SLC31A1: variants seen among roughly 807,000 people sequenced by gnomAD.
SLC31A1 encodes the protein high affinity copper uptake protein 1.
Under a neutral mutation model 17.2 loss-of-function variants are expected in SLC31A1, and 5 were observed. The ratio of observed to expected loss-of-function variants is 0.29; its 90% CI spans 0.15 to 0.61. SLC31A1 has a LOEUF of 0.61. Among genes scored for constraint, SLC31A1 ranks in the 20% least tolerant of loss-of-function variants. The pLI is 0.86. For synonymous variants in SLC31A1, 76 were observed against 78.8 expected (o/e 0.96, Z 0.19); for missense variants, 161 against 241.4 (o/e 0.67, Z 2.21).
intron 1 of SLC31A1, among the ~76,000 whole-genome samples, chr9:113,252,550 A>G (rs931107233): frequency 6.6e-6 from 1 of 152,152 alleles, no homozygotes. Context: ...TGGCCTCCCA[A>G]AGTGCTGGGA....
chr9:113,235,557 A>G (rs1317723728), intron 1 of SLC31A1, among the ~76,000 whole-genome samples: 1 of 152,242 alleles, frequency 6.6e-6, no homozygotes, highest in East Asian at 1.9e-4. Context: ...ACACAATAGT[A>G]CATTCTTTCT....
intron 1 of SLC31A1, among the ~76,000 whole-genome samples, chr9:113,250,032 G>A (rs1453235591): frequency 1.3e-5 from 2 of 151,770 alleles, no homozygotes; most frequent in African/African-American, 4.8e-5. Context: ...GAAATAACAG[G>A]TGCTGGAGAG....
At chr9:113,242,201 C>T (rs904643821) in intron 1 of SLC31A1, among the ~76,000 whole-genome samples, 6 of 151,812 alleles carry the variant, frequency 4.0e-5, no homozygotes, top group Admixed American at 3.3e-4. Flanking sequence ...AAAAAAAAAA[C>T]TAGACGTTGG....
At chr9:113,235,242 C>G (rs113233058) in intron 1 of SLC31A1, among the ~76,000 whole-genome samples, 1,697 of 152,234 alleles carry the variant, frequency 0.011, 34 homozygotes, top group African/African-American at 0.038. Context: ...GTTTCCACTT[C>G]AATAGTCATT....
Position 113,257,646 on chromosome 9 carries a change from C to G in SLC31A1, c.202+461C>G, listed in dbSNP as rs997550582. On this transcript the variant is annotated intron_variant, in intron 3 of 4. Transcript: ENST00000374212. ...AGTTAAACAGGCACCTACCGCCATG[C>G]CTGGCTAATTTTTGTATTTTTAATA... is the stretch of plus-strand genomic sequence containing the variant. 9.2e-5 allele frequency among the ~76,000 whole-genome samples: 14 copies of G among 151,934 alleles called. No individual in the cohort carries two copies. The East Asian group carries it at 2.7e-3, about 29-fold the overall frequency.
Position 113,221,674 on chromosome 9 carries a change from GAAA to G in SLC31A1, c.-39_-37del. The G allele has an allele frequency of 3.2e-6, 1 of 313,554 alleles. No homozygotes were observed. The highest frequency in any genetic ancestry group is 2.7e-5 in the South Asian group (1 of 37,262). 19.4% of individuals were successfully genotyped at this position (313,554 alleles called of 1,614,324 possible). A position where few individuals can be genotyped will look rare whatever the true frequency, so the allele number is the denominator to read the frequency against. On this transcript the variant is annotated splice_region_variant and 5_prime_UTR_variant, in exon 1 of 5. Coordinates refer to ENST00000374212, the MANE Select transcript of SLC31A1 (RefSeq NM_001859.4). ...GGTGCTAGTGGCTGGACTTGACCTG[GAAA>G]GGTAAGGCTTCTCTCGGCCCCTCTT...
rs1228978046 is a variant in SLC31A1, at chr9:113,263,027, T to C, written c.*2554T>C. On this transcript the variant is annotated 3_prime_UTR_variant, in exon 5 of 5. Coordinates refer to ENST00000374212, the MANE Select transcript of SLC31A1 (RefSeq NM_001859.4). The stretch of plus-strand genomic sequence containing the variant: ...ATCAAAAATTAGCCAGGCATGGTGG[T>C]GCATACCTATAGTCCTGGCTATTTG... 1 of 152,244 alleles carries C rather than the reference T, an allele frequency of 6.6e-6. No homozygotes were observed. Among genetic ancestry groups the C allele is most frequent in the East Asian group, 1.9e-4 (1 of 5,196 alleles). 9.4% of individuals were successfully genotyped at this position (152,244 alleles called of 1,614,324 possible). A position where few individuals can be genotyped will look rare whatever the true frequency, so the allele number is the denominator to read the frequency against.
intron 1 of SLC31A1, among the ~76,000 whole-genome samples, chr9:113,223,659 A>AT (rs1324693223): frequency 6.6e-6 from 1 of 151,988 alleles, no homozygotes; most frequent in Non-Finnish European, 1.5e-5. Context: ...GGAAGCAGCA[A>AT]TTTTTTTTCT....
intron 1 of SLC31A1, among the ~76,000 whole-genome samples, chr9:113,244,950 C>T (rs917168285): frequency 6.6e-5 from 10 of 152,100 alleles, no homozygotes; most frequent in African/African-American, 2.4e-4. Flanking sequence ...TTGACCTGAC[C>T]TATTTTCTTA....
chr9:113,247,406 T>C (rs1202041817), intron 1 of SLC31A1, among the ~76,000 whole-genome samples: 2 of 152,216 alleles, frequency 1.3e-5, no homozygotes, highest in African/African-American at 4.8e-5. Context: ...TACTTCTGTG[T>C]AGTCTTTTTG....
chr9:113,236,433 G>A (rs764575570), intron 1 of SLC31A1, among the ~76,000 whole-genome samples: 6 of 151,850 alleles, frequency 4.0e-5, no homozygotes, highest in Admixed American at 1.3e-4. Flanking sequence ...GTGCGATCTC[G>A]GCTCACTGCA....
intron 1 of SLC31A1, among the ~76,000 whole-genome samples, chr9:113,249,220 C>G (rs897548900): frequency 6.7e-6 from 1 of 149,522 alleles, no homozygotes; most frequent in Non-Finnish European, 1.5e-5. Flanking sequence ...AAAGGTGATT[C>G]TCCAGTATTG....
chr9:113,260,579 GTACA>G lies in SLC31A1; in HGVS notation c.*107_*110del. On this transcript the variant is annotated 3_prime_UTR_variant, in exon 5 of 5. Transcript: ENST00000374212. Reference sequence around the variant, plus strand: ...TCCCTTCTTGCTCCTCTTTGTGCACGTACACACACACACACACACACACACACAC... The same window carrying G: ...TCCCTTCTTGCTCCTCTTTGTGCACGCACACACACACACACACACACACAC... 1.7e-6 allele frequency: 1 copy of G among 590,100 alleles called. No homozygotes were observed. The highest frequency in any genetic ancestry group is 2.5e-5 in the Admixed American group (1 of 39,354). 36.6% of individuals were successfully genotyped at this position (590,100 alleles called of 1,614,324 possible).
At chr9:113,230,405 G>A (rs1413048178) in intron 1 of SLC31A1, among the ~76,000 whole-genome samples, 1 of 152,106 alleles carries the variant, frequency 6.6e-6, no homozygotes, top group Non-Finnish European at 1.5e-5. Flanking sequence ...CTACAGGCAT[G>A]CATCTCCACG....
At position 113,263,625 on chromosome 9, in the gene SLC31A1, T is replaced by C. The variant is rs1831818022; in HGVS notation, c.*3152T>C. 1 of 152,672 alleles carries C rather than the reference T, an allele frequency of 6.5e-6. No homozygotes were observed. The highest frequency in any genetic ancestry group is 6.5e-5 in the Admixed American group (1 of 15,282). 9.5% of individuals were successfully genotyped at this position (152,672 alleles called of 1,614,324 possible). A position where few individuals can be genotyped will look rare whatever the true frequency, so the allele number is the denominator to read the frequency against. On this transcript the variant is annotated 3_prime_UTR_variant, in exon 5 of 5. Transcript: ENST00000374212. ...CCTGATGCAGTAGACAGTGCTATGC[T>C]GTGGATATAATACCAACCAGAAATT...
At chr9:113,249,585 C>T (rs904517184) in intron 1 of SLC31A1, among the ~76,000 whole-genome samples, 2 of 151,976 alleles carry the variant, frequency 1.3e-5, no homozygotes, top group African/African-American at 4.8e-5. Context: ...AGGCTGGTCT[C>T]GAACTCTTGA....
chr9:113,237,833 A>G (rs1831478702), intron 1 of SLC31A1, among the ~76,000 whole-genome samples: 1 of 152,226 alleles, frequency 6.6e-6, no homozygotes, highest in Non-Finnish European at 1.5e-5. Flanking sequence ...TTACTGTTGG[A>G]CCCAGACTTA....
chr9:113,245,502 G>T lies in SLC31A1; in HGVS notation c.-35-10612G>T, dbSNP rs569298482. ...AATATGAAGCCAGCACCCGGGGAAT[G>T]AGTAGGAAACATTACAGCCTTCAAA... is the stretch of plus-strand genomic sequence containing the variant. On this transcript the variant is annotated intron_variant, in intron 1 of 4. Coordinates refer to ENST00000374212, the MANE Select transcript of SLC31A1 (RefSeq NM_001859.4). 2.0e-5 allele frequency among the ~76,000 whole-genome samples: 3 copies of T among 152,270 alleles called. No homozygotes were observed. The East Asian group carries it at 5.8e-4, about 29-fold the overall frequency.
chr9:113,237,542 C>T (rs192229445), intron 1 of SLC31A1, among the ~76,000 whole-genome samples: 1 of 152,076 alleles, frequency 6.6e-6, no homozygotes, highest in East Asian at 1.9e-4. Flanking sequence ...AACATAAAGA[C>T]AGGAGATAGT....
Sources: gnomAD v4.1 joint callset for allele counts (sites outside exome capture counted in the v4.1 genomes callset) on GRCh38, gnomAD v4.1.1 for gene constraint, MANE v1.5 for transcripts, NCBI Gene and HGNC (gene_info 2026-07-23, HGNC 2026-07-21) for gene names.